Variants in SCNN1G observed in about 807,000 individuals in gnomAD.
The protein encoded by SCNN1G is epithelial sodium channel subunit gamma.
A neutral mutation model predicts 64.6 loss-of-function variants in SCNN1G; 27 were observed. The ratio of observed to expected loss-of-function variants is 0.42; its 90% CI spans 0.31 to 0.58. The LOEUF (loss-of-function observed/expected upper bound fraction) is 0.58, where lower values mean the gene tolerates loss of function less well. Among genes scored for constraint, SCNN1G ranks in the 20% least tolerant of loss-of-function variants. The pLI, the probability that SCNN1G is intolerant of heterozygous loss-of-function variation, is 0.18. For missense variants in SCNN1G, 743 were observed against 823.4 expected (o/e 0.90, Z 1.19); for synonymous variants, 330 against 314.2 (o/e 1.05, Z -0.53).
chr16:23,214,584 C>T, intron 11 of SCNN1G, 128 bp from the exon 12 acceptor site: 1 of 753,372 alleles, frequency 1.3e-6, no homozygotes, highest in Non-Finnish European at 2.4e-6. Context: ...GGGCCAGGTT[C>T]TAATATCCCC....
At chr16:23,203,797 G>GA (rs1304882118) in intron 6 of SCNN1G, among the ~76,000 whole-genome samples, 1 of 67,796 alleles carries the variant, frequency 1.5e-5, no homozygotes, top group African/African-American at 4.9e-5. Flanking sequence ...AAAAAAAAAA[G>GA]AGCTCTGATG....
intron 11 of SCNN1G, 70 bp downstream of exon 11, chr16:23,213,233 A>T: frequency 2.2e-4 from 192 of 874,386 alleles, no homozygotes; most frequent in Non-Finnish European, 3.4e-4. Context: ...TTGCTTCTGT[A>T]TGTGTATGGC....
intron 8 of SCNN1G, 66 bp from the exon 9 acceptor site, chr16:23,212,611 AC>A: frequency 8.2e-7 from 1 of 1,220,560 alleles, no homozygotes; most frequent in Non-Finnish European, 1.2e-6. Context: ...GTCCTTGGTG[AC>A]CTGGGGATGG....
intron 6 of SCNN1G, among the ~76,000 whole-genome samples, chr16:23,204,350 G>GAGAGAGAA (rs1567267207): frequency 8.2e-6 from 1 of 122,434 alleles, no homozygotes; most frequent in African/African-American, 3.0e-5. Context: ...GAGAGAGAGA[G>GAGAGAGAA]AGAGAGAGAG....
At chr16:23,212,971 G>T in intron 10 of SCNN1G, 77 bp downstream of exon 10, 2 of 1,543,652 alleles carry the variant, frequency 1.3e-6, no homozygotes, top group Non-Finnish European at 1.8e-6. Flanking sequence ...GTGTCCTCTG[G>T]CCTGGGACAT....
chr16:23,212,993 A>G, intron 10 of SCNN1G, 99 bp downstream of exon 10: 2 of 1,527,366 alleles, frequency 1.3e-6, no homozygotes, highest in East Asian at 2.3e-5. Flanking sequence ...GTCCAGGGGG[A>G]AAAGAATTAC....
intron 6 of SCNN1G, among the ~76,000 whole-genome samples, chr16:23,203,285 G>A (rs1959921963): frequency 6.6e-6 from 1 of 152,174 alleles, no homozygotes; most frequent in Non-Finnish European, 1.5e-5. Context: ...AGAAACCGAA[G>A]TGCAGTGGGT....
intron 6 of SCNN1G, among the ~76,000 whole-genome samples, chr16:23,208,665 T>C (rs1015074427): frequency 2.1e-5 from 3 of 144,156 alleles, no homozygotes; most frequent in Non-Finnish European, 4.6e-5. Flanking sequence ...CTCTCTTTCT[T>C]TCTCTCTCTT....
At chr16:23,191,110 G>A (rs1291298827) in intron 3 of SCNN1G, among the ~76,000 whole-genome samples, 3 of 152,024 alleles carry the variant, frequency 2.0e-5, no homozygotes, top group Non-Finnish European at 2.9e-5. Context: ...CTCCCAAACT[G>A]CTGAGATTAC....
intron 12 of SCNN1G, 31 bp downstream of exon 12, chr16:23,214,818 T>A: frequency 6.4e-7 from 1 of 1,551,924 alleles, no homozygotes; most frequent in Non-Finnish European, 8.9e-7. Context: ...CCAGGACCTG[T>A]CCTGGGCCTA....
rs150778285 is a variant in SCNN1G at position 23,205,703 on chromosome 16, G to GAA, written c.1078-4033_1078-4032dup. On this transcript the variant is annotated intron_variant, in intron 6 of 12. Transcript: ENST00000300061. ...CAACAGAGTGAGGCTCCATCTCCAA[G>GAA]AAAAAAAAAAAAAAAGTCCCTCCCA... Among the ~76,000 whole-genome samples, 289 of 137,146 alleles carry GAA rather than the reference G, an allele frequency of 2.1e-3. 2 individuals carry two copies. Among genetic ancestry groups the GAA allele is most frequent in the Non-Finnish European group, 2.9e-3 (187 of 63,656 alleles). The allele number at this position is 137,146 out of a possible 152,430, so 90.0% of individuals were successfully genotyped here.
intron 5 of SCNN1G, chr16:23,196,666 C>A: frequency 6.4e-6 from 1 of 155,860 alleles, no homozygotes; most frequent in Admixed American, 6.2e-5. Flanking sequence ...GTAAATAAGC[C>A]CAGAGAGGGG....
rs776267708 is a variant in SCNN1G at position 23,212,761 on chromosome 16, G to A, written c.1373+5G>A. 2 of 1,613,992 alleles carry A rather than the reference G, an allele frequency of 1.2e-6. No homozygotes were observed. The highest frequency in any genetic ancestry group is 1.1e-5 in the South Asian group (1 of 91,076). Reference sequence around the variant, plus strand: ...TGTGTGCAAGGAAGCCTGCAGGTATGTGGACCCCAAGGGGTGAGACGGGTG... The same window carrying A: ...TGTGTGCAAGGAAGCCTGCAGGTATATGGACCCCAAGGGGTGAGACGGGTG... On this transcript the variant is annotated splice_donor_5th_base_variant and intron_variant, in intron 9 of 12. Transcript: ENST00000300061.
chr16:23,210,602 G>C (rs1165375159), intron 7 of SCNN1G, among the ~76,000 whole-genome samples: 1 of 152,096 alleles, frequency 6.6e-6, no homozygotes, highest in Non-Finnish European at 1.5e-5. Context: ...GGAATTTATA[G>C]TTCACCTCCT....
At chr16:23,204,611 G>T (rs1373601541) in intron 6 of SCNN1G, among the ~76,000 whole-genome samples, 1 of 150,474 alleles carries the variant, frequency 6.6e-6, no homozygotes, top group Non-Finnish European at 1.5e-5. Context: ...ATTATTTGCC[G>T]TATGTGTTGC....
chr16:23,192,574 A>C, intron 4 of SCNN1G, 32 bp downstream of exon 4: 1 of 1,572,282 alleles, frequency 6.4e-7, no homozygotes, highest in Non-Finnish European at 8.7e-7. Flanking sequence ...CTCAGCCTCT[A>C]AGGACTGGCA....
chr16:23,212,831 C>T lies in SCNN1G; in HGVS notation c.1374-6C>T. 1 of 1,614,156 alleles carries T rather than the reference C, an allele frequency of 6.2e-7. No individual in the cohort carries two copies. Among genetic ancestry groups the T allele is most frequent in the Non-Finnish European group, 8.5e-7 (1 of 1,179,980 alleles). On this transcript the variant is annotated splice_polypyrimidine_tract_variant and splice_region_variant and intron_variant, in intron 9 of 12. Transcript: ENST00000300061. Reference sequence around the variant, plus strand: ...CCTACACTCATGCTGTCCCCTCCTCCCTTAGCTTTAAAGAGTGGACACTAA... The same window carrying T: ...CCTACACTCATGCTGTCCCCTCCTCTCTTAGCTTTAAAGAGTGGACACTAA...
intron 12 of SCNN1G, 58 bp downstream of exon 12, chr16:23,214,845 C>T: frequency 1.4e-6 from 2 of 1,440,030 alleles, no homozygotes; most frequent in Non-Finnish European, 2.0e-6. Flanking sequence ...TGAGCATCTT[C>T]CTGGCCTTGG....
At chr16:23,198,174 C>T (rs957843977) in intron 6 of SCNN1G, among the ~76,000 whole-genome samples, 3 of 152,158 alleles carry the variant, frequency 2.0e-5, no homozygotes, top group Non-Finnish European at 2.9e-5. Flanking sequence ...ACCAAGAACC[C>T]CTTCTCCCTC....
Sources: gnomAD v4.1 joint callset for allele counts (sites outside exome capture counted in the v4.1 genomes callset) on GRCh38, gnomAD v4.1.1 for gene constraint, MANE v1.5 for transcripts, NCBI Gene and HGNC (gene_info 2026-07-23, HGNC 2026-07-21) for gene names.